TRIM24: variants seen among roughly 807,000 people sequenced by gnomAD.
TRIM24 encodes transcription intermediary factor 1-alpha.
Under a neutral mutation model 123.9 loss-of-function variants are expected in TRIM24, and 29 were observed. The observed-to-expected ratio is 0.23, with a 90% CI of 0.17 to 0.32. The LOEUF (loss-of-function observed/expected upper bound fraction) is 0.32. Ranked by LOEUF, TRIM24 falls within the 10% of genes least tolerant of loss-of-function variation. The pLI is 1.00. For missense variants in TRIM24, 932 were observed against 1,295.3 expected (o/e 0.72, Z 4.31); for synonymous variants, 456 against 461.1 (o/e 0.99, Z 0.14).
At chr7:138,488,222 A>G (rs1414808462) in intron 1 of TRIM24, among the ~76,000 whole-genome samples, 2 of 145,264 alleles carry the variant, frequency 1.4e-5, no homozygotes, top group Non-Finnish European at 3.0e-5. Flanking sequence ...CATCTATTTG[A>G]TTCTTCTCTT....
chr7:138,552,622 C>T (rs1173541482), intron 8 of TRIM24, among the ~76,000 whole-genome samples: 1 of 151,996 alleles, frequency 6.6e-6, no homozygotes, highest in East Asian at 1.9e-4. Flanking sequence ...ATCCCCAACA[C>T]TAGATTCTGG....
intron 2 of TRIM24, among the ~76,000 whole-genome samples, chr7:138,508,692 T>TGTGTGCGCGCGCGC (rs1422176564): frequency 0.069 from 9,411 of 137,176 alleles, 386 homozygotes; most frequent in Non-Finnish European, 0.081. Flanking sequence ...TGTGTGTGTG[T>TGTGTGCGCGCGCGC]GCGCGCGCGT....
chr7:138,580,252 A>T (rs899807174), intron 15 of TRIM24, among the ~76,000 whole-genome samples: 1 of 152,174 alleles, frequency 6.6e-6, no homozygotes, highest in Admixed American at 6.5e-5. Context: ...TGGAGGAAAA[A>T]AATTCAATTA....
chr7:138,548,696 T>C (rs1271290169), intron 7 of TRIM24, among the ~76,000 whole-genome samples: 1 of 152,252 alleles, frequency 6.6e-6, no homozygotes, highest in Non-Finnish European at 1.5e-5. Flanking sequence ...ATTTTTTAAA[T>C]GTTTTGATTT....
At chr7:138,564,923 C>T (rs1277489720) in intron 9 of TRIM24, among the ~76,000 whole-genome samples, 2 of 152,182 alleles carry the variant, frequency 1.3e-5, no homozygotes, top group Non-Finnish European at 2.9e-5. Flanking sequence ...CACTCACTCT[C>T]ACTTTCACTT....
rs767862423 is a variant in TRIM24, at chr7:138,576,409, G to A, written c.2051G>A (p.Arg684His). ...ATGACTAGTGTACACCCCCCAATACGTTCACCTAGTGCCTCCAGCGTTGGA... is the reference window on the plus strand; with the variant it reads ...ATGACTAGTGTACACCCCCCAATACATTCACCTAGTGCCTCCAGCGTTGGA... ...VTMTSVHPPI[R>H]SPSASSVGSR... is the part of the protein sequence containing the mutation. Residue 684 changes from arginine to histidine, a missense_variant, in exon 13 of 19, where the codon CGT becomes CAT. Transcript: ENST00000343526. 3.7e-6 allele frequency: 6 copies of A among 1,613,606 alleles called. No homozygotes were observed. The highest frequency in any genetic ancestry group is 1.7e-5 in the Admixed American group (1 of 59,992).
chr7:138,479,057 G>A (rs543617384), intron 1 of TRIM24, among the ~76,000 whole-genome samples: 25 of 152,054 alleles, frequency 1.6e-4, no homozygotes, highest in Non-Finnish European at 2.5e-4. Flanking sequence ...CTCAGAAATC[G>A]GTTGCCTTCT....
intron 3 of TRIM24, among the ~76,000 whole-genome samples, chr7:138,517,953 T>A (rs1796434574): frequency 6.6e-6 from 1 of 152,226 alleles, no homozygotes; most frequent in Non-Finnish European, 1.5e-5. Context: ...CACTCTACAC[T>A]GGTTGAAGTA....
At chr7:138,490,410 G>A (rs1795755190) in intron 1 of TRIM24, among the ~76,000 whole-genome samples, 1 of 152,138 alleles carries the variant, frequency 6.6e-6, no homozygotes, top group African/African-American at 2.4e-5. Flanking sequence ...GAGGAGCTGC[G>A]ATCTTTTGGA....
chr7:138,512,302 G>A (rs1428575231), intron 2 of TRIM24, among the ~76,000 whole-genome samples: 1 of 152,148 alleles, frequency 6.6e-6, no homozygotes, highest in Non-Finnish European at 1.5e-5. Flanking sequence ...CTACCATCCT[G>A]GGTTCTGGAG....
chr7:138,469,475 A>AT (rs2116452878), intron 1 of TRIM24, among the ~76,000 whole-genome samples: 1 of 151,860 alleles, frequency 6.6e-6, no homozygotes, highest in South Asian at 2.1e-4. Flanking sequence ...CACCTTGCTA[A>AT]TTTTTTTGTA....
intron 1 of TRIM24, among the ~76,000 whole-genome samples, chr7:138,463,670 G>T (rs945490663): frequency 2.6e-5 from 4 of 152,152 alleles, no homozygotes; most frequent in Non-Finnish European, 5.9e-5. Flanking sequence ...GGGTCGTAAA[G>T]TTATCATCCT....
intron 18 of TRIM24, 124 bp from the exon 19 acceptor site, chr7:138,584,613 TTTGTC>T: frequency 1.4e-6 from 1 of 713,108 alleles, no homozygotes; most frequent in Non-Finnish European, 2.2e-6. Context: ...GTACAGAGAC[TTTGTC>T]TAGTCCTAAA....
rs1407771496 is a variant in TRIM24, at chr7:138,527,885, ACTGGGCCTAGAACAAAGG to A, written c.882-1213_882-1196del. ...TCCAAAGACCAGGCCTAGAACAAAG[ACTGGGCCTAGAACAAAGG>A]CTGGGCCTAGAACAAAGACTGGACT... On this transcript the variant is annotated intron_variant, in intron 5 of 18. Coordinates refer to ENST00000343526, the MANE Select transcript of TRIM24 (RefSeq NM_015905.3). Among the ~76,000 whole-genome samples, 43 of 152,190 alleles carry A rather than the reference ACTGGGCCTAGAACAAAGG, an allele frequency of 2.8e-4. No homozygotes were observed. The South Asian group carries it at 7.1e-3, about 25-fold the overall frequency.
At chr7:138,461,285 C>G (rs1019184474) in intron 1 of TRIM24, 1 of 557,378 alleles carries the variant, frequency 1.8e-6, no homozygotes, top group South Asian at 1.4e-5. Context: ...CCCGCTGCCT[C>G]CACAAAGCTT....
At chr7:138,508,873 C>T (rs1011445824) in intron 2 of TRIM24, among the ~76,000 whole-genome samples, 3 of 152,026 alleles carry the variant, frequency 2.0e-5, no homozygotes, top group Non-Finnish European at 4.4e-5. Flanking sequence ...TTGGAGACCA[C>T]AGTATGGTAC....
At chr7:138,500,563 C>CA (rs773042715) in intron 1 of TRIM24, among the ~76,000 whole-genome samples, 3,712 of 61,072 alleles carry the variant, frequency 0.061, 142 homozygotes, top group African/African-American at 0.14. Context: ...GACCTTGTTT[C>CA]AAAAAAAAAA....
chr7:138,567,349 T>G, intron 9 of TRIM24, 132 bp from the exon 10 acceptor site: 2 of 813,608 alleles, frequency 2.5e-6, no homozygotes, highest in Non-Finnish European at 3.5e-6. Context: ...CTCATTCCCT[T>G]ATGTAAATCT....
At chr7:138,514,101 A>G (rs1053967892) in intron 2 of TRIM24, among the ~76,000 whole-genome samples, 3 of 152,216 alleles carry the variant, frequency 2.0e-5, no homozygotes, top group Admixed American at 1.3e-4. Flanking sequence ...ATTGAAGATG[A>G]TAAGAGCAGA....
Sources: allele counts gnomAD v4.1 joint callset (sites outside exome capture counted in the v4.1 genomes callset), GRCh38; gene constraint gnomAD v4.1.1; transcripts MANE v1.5; gene names NCBI Gene and HGNC (gene_info 2026-07-23, HGNC 2026-07-21).